ECT2L: variants seen among roughly 807,000 people sequenced by gnomAD.
ECT2L encodes epithelial cell transforming 2 like, also known as epithelial cell-transforming sequence 2 oncogene-like.
In ECT2L, 126 loss-of-function variants were observed where a neutral mutation model predicts 122.8. That is an observed-to-expected ratio of 1.03 (90% CI 0.89 to 1.19). The LOEUF (loss-of-function observed/expected upper bound fraction) is 1.19. ECT2L is among the 50% of genes most tolerant of loss of function. The pLI, the probability that ECT2L is intolerant of heterozygous loss-of-function variation, is 0.00. For synonymous variants in ECT2L, 385 were observed against 381.8 expected (o/e 1.01, Z -0.10); for missense variants, 1,012 against 1,064.1 (o/e 0.95, Z 0.68).
At chr6:138,868,943 G>C (rs1423144118) in intron 13 of ECT2L, among the ~76,000 whole-genome samples, 1 of 152,188 alleles carries the variant, frequency 6.6e-6, no homozygotes, top group Non-Finnish European at 1.5e-5. Flanking sequence ...GAGGCAGGCG[G>C]ATCATTTGAG....
rs556809196 is a variant in ECT2L, at chr6:138,842,493, C to T, written c.343-486C>T. Reference sequence around the variant, plus strand: ...AAACATAGAAATAAAAATAAAAGTCCGGGTGCGGTGGTTCACACCTGTAAT... The same window carrying T: ...AAACATAGAAATAAAAATAAAAGTCTGGGTGCGGTGGTTCACACCTGTAAT... On this transcript the variant is annotated intron_variant, in intron 5 of 21. Coordinates refer to ENST00000541398, the MANE Select transcript of ECT2L (RefSeq NM_001077706.3). Among the ~76,000 whole-genome samples the T allele has an allele frequency of 2.0e-5, 3 of 148,188 alleles. 1 individual carries two copies. Among genetic ancestry groups the T allele is most frequent in the South Asian group, 2.1e-4 (1 of 4,688 alleles).
chr6:138,840,829 T>C (rs536210834), intron 5 of ECT2L, among the ~76,000 whole-genome samples: 4 of 152,280 alleles, frequency 2.6e-5, no homozygotes, highest in African/African-American at 9.6e-5. Flanking sequence ...TGTTCTCAGA[T>C]GTTATTTCTT....
chr6:138,892,277 T>C (rs897456954), intron 20 of ECT2L, among the ~76,000 whole-genome samples: 4 of 152,172 alleles, frequency 2.6e-5, no homozygotes, highest in Admixed American at 1.3e-4. Flanking sequence ...TTCTGTTATA[T>C]TTATTTCTGG....
At chr6:138,818,167 T>C (rs1776132476) in intron 4 of ECT2L, among the ~76,000 whole-genome samples, 1 of 152,140 alleles carries the variant, frequency 6.6e-6, no homozygotes, top group Non-Finnish European at 1.5e-5. Flanking sequence ...GCAACTGCAT[T>C]CCCTAGAGGG....
chr6:138,864,857 G>A (rs763131147), intron 11 of ECT2L, 139 bp from the exon 12 acceptor site: 2 of 723,262 alleles, frequency 2.8e-6, no homozygotes, highest in African/African-American at 1.8e-5. Context: ...GAGGATGGGT[G>A]TTTGTCTTAG....
chr6:138,854,070 G>A lies in ECT2L; in HGVS notation c.1114G>A (p.Asp372Asn), dbSNP rs1348374281. Residue 372 changes from aspartate to asparagine, a missense_variant, in exon 10 of 22, where the codon GAT becomes AAT. Physicochemically the swap from Asp to Asn is conservative, Grantham distance 23 (BLOSUM62 1). Transcript: ENST00000541398. ...AAATTTACTGAGGCCTGAAGTGAGA[G>A]ATTTCTGGGAGAAATTAGGAAGCTA... ...VKNLLRPEVRDFWEKLGSYVA... is the reference protein window; with the variant it reads ...VKNLLRPEVRNFWEKLGSYVA... 1.2e-6 allele frequency: 2 copies of A among 1,614,044 alleles called. No individual in the cohort carries two copies. The highest frequency in any genetic ancestry group is 1.7e-6 in the Non-Finnish European group (2 of 1,180,016).
intron 6 of ECT2L, 58 bp downstream of exon 6, chr6:138,843,289 C>A (rs1432045057): frequency 1.4e-6 from 2 of 1,469,650 alleles, no homozygotes; most frequent in East Asian, 4.6e-5. Context: ...CAAATGGATT[C>A]ACATACAAAT....
chr6:138,869,965 C>A (rs1053317656), intron 13 of ECT2L, among the ~76,000 whole-genome samples: 4 of 152,078 alleles, frequency 2.6e-5, no homozygotes, highest in African/African-American at 9.7e-5. Flanking sequence ...TGTTGAGAAC[C>A]AAGAGTACAT....
chr6:138,867,590 ACT>A (rs1778090611), intron 12 of ECT2L, among the ~76,000 whole-genome samples: 2 of 149,738 alleles, frequency 1.3e-5, no homozygotes. Context: ...CAGGAGGATC[ACT>A]TGAGGTCAGG....
At chr6:138,843,291 C>T in intron 6 of ECT2L, 60 bp downstream of exon 6, 1 of 1,465,630 alleles carries the variant, frequency 6.8e-7, no homozygotes, top group African/African-American at 1.4e-5. Context: ...AATGGATTCA[C>T]ATACAAATTC....
chr6:138,851,994 T>C (rs1458103759), intron 9 of ECT2L, among the ~76,000 whole-genome samples: 2 of 152,138 alleles, frequency 1.3e-5, no homozygotes, highest in African/African-American at 4.8e-5. Context: ...AAAATCTCAG[T>C]GGGGTGGAGC....
intron 13 of ECT2L, chr6:138,870,406 T>C (rs150031367): frequency 2.5e-3 from 376 of 152,666 alleles, no homozygotes; most frequent in African/African-American, 8.5e-3. Flanking sequence ...TTATATGAGC[T>C]CTACTGGGAA....
intron 9 of ECT2L, among the ~76,000 whole-genome samples, chr6:138,851,566 A>C (rs1777453208): frequency 7.4e-6 from 1 of 135,608 alleles, no homozygotes; most frequent in Non-Finnish European, 1.5e-5. Context: ...CATTTCTCTG[A>C]TTAGTGATGT....
intron 16 of ECT2L, 41 bp downstream of exon 16, chr6:138,882,912 T>C: frequency 6.2e-7 from 1 of 1,602,432 alleles, no homozygotes; most frequent in Non-Finnish European, 8.5e-7. Context: ...AGACCTGAGC[T>C]AGAAAGGAAG....
At chr6:138,816,629 C>T (rs1321319484) in intron 4 of ECT2L, among the ~76,000 whole-genome samples, 4 of 152,010 alleles carry the variant, frequency 2.6e-5, no homozygotes, top group Non-Finnish European at 2.9e-5. Context: ...GGACTACAGG[C>T]GCCCACCACC....
chr6:138,846,209 A>G (rs1298961877), intron 7 of ECT2L, among the ~76,000 whole-genome samples: 1 of 152,176 alleles, frequency 6.6e-6, no homozygotes, highest in Non-Finnish European at 1.5e-5. Context: ...GGAAATTCAA[A>G]ATCTCTCAGC....
At chr6:138,801,008 C>T (rs1775524563) in intron 1 of ECT2L, among the ~76,000 whole-genome samples, 1 of 152,100 alleles carries the variant, frequency 6.6e-6, no homozygotes, top group Non-Finnish European at 1.5e-5. Flanking sequence ...GAGGTGAATG[C>T]TGTGTGAAGC....
chr6:138,898,177 T>C (rs1157039498), intron 20 of ECT2L, among the ~76,000 whole-genome samples: 2 of 152,200 alleles, frequency 1.3e-5, no homozygotes, highest in Admixed American at 1.3e-4. Context: ...AAAATGCACC[T>C]CCTGCCTTTC....
At chr6:138,875,350 C>T (rs567670397) in intron 13 of ECT2L, among the ~76,000 whole-genome samples, 14 of 152,352 alleles carry the variant, frequency 9.2e-5, no homozygotes, top group South Asian at 6.2e-4. Context: ...AATAAAAATT[C>T]GCTTTTGCCT....
Sources: gnomAD v4.1 joint callset for allele counts (sites outside exome capture counted in the v4.1 genomes callset) on GRCh38, gnomAD v4.1.1 for gene constraint, MANE v1.5 for transcripts, NCBI Gene and HGNC (gene_info 2026-07-23, HGNC 2026-07-21) for gene names.